The following KCNC4 variants were observed in gnomAD, a reference collection of about 807,000 sequenced individuals.
KCNC4 encodes the protein voltage-gated potassium channel KCNC4.
KCNC4 carries 23 observed loss-of-function variants against 42.8 expected under a neutral mutation model. The observed-to-expected ratio is 0.54, with a 90% confidence interval of 0.39 to 0.76. KCNC4 has a LOEUF of 0.76. KCNC4 is among the 30% of genes least tolerant of loss of function. The probability of loss-of-function intolerance (pLI) is 0.00; values close to 1 mark genes in which losing one functional copy is unlikely to be tolerated. For synonymous variants in KCNC4, 422 were observed against 393.5 expected (o/e 1.07, Z -0.86); for missense variants, 751 against 898.2 (o/e 0.84, Z 2.10).
intron 1 of KCNC4, among the ~76,000 whole-genome samples, chr1:110,217,601 G>C (rs975291053): frequency 6.6e-6 from 1 of 152,146 alleles, no homozygotes; most frequent in Non-Finnish European, 1.5e-5. Flanking sequence ...TCTGGGGTAG[G>C]GACTCATCCG....
rs1029005555 is a variant in KCNC4 at position 110,223,747 on chromosome 1, C to G, written c.1462C>G (p.Leu488Val). Residue 488 changes from leucine to valine, a missense_variant, in exon 2 of 4, where the codon CTG becomes GTG. By Grantham distance (32) the Leu-to-Val change is conservative. This residue lies in a region of KCNC4 where 185 missense variants were observed against 293.7 expected (regional missense o/e 0.63). Transcript: ENST00000438661. This position sits in a 1 kb window ranked among gnomAD's most constrained non-coding sequence, Gnocchi z 7.5. ...CTCCCTGGCCATGGCCAAGCAGAAG[C>G]TGCCCAAGAAACGGAAGAAGCACGT... The part of the protein sequence containing the change: ...YYSLAMAKQK[L>V]PKKRKKHVPR... The G allele has an allele frequency of 1.2e-5, 19 of 1,614,060 alleles. No individual in the cohort carries two copies. Among genetic ancestry groups the G allele is most frequent in the Non-Finnish European group, 1.6e-5 (19 of 1,180,042 alleles).
chr1:110,245,770 C>T (rs1277642971), exon 4 of KCNC4: 1 of 152,288 alleles, frequency 6.6e-6, no homozygotes, highest in African/African-American at 2.4e-5. Context: ...GAAGCTTGCT[C>T]AGTGCACGTA....
intron 3 of KCNC4, among the ~76,000 whole-genome samples, chr1:110,227,891 G>A (rs1658485668): frequency 6.6e-6 from 1 of 152,170 alleles, no homozygotes; most frequent in Admixed American, 6.5e-5. Context: ...GGGCAGGAGA[G>A]CCAGCATCTC....
At position 110,211,654 on chromosome 1, in the gene KCNC4, G is replaced by T; in HGVS notation, c.155G>T (p.Ser52Ile). ...GGCACGCGACATGAGACCTACCGCA[G>T]CACCCTGCGCACCCTACCGGGAACC... ...VGGTRHETYR[S>I]TLRTLPGTRL... The change falls in exon 1 of 4, where the codon AGC (serine) becomes ATC (isoleucine). Residue 52 changes from serine (S) to isoleucine (I), a missense_variant. Coordinates refer to ENST00000438661, the MANE Select transcript of KCNC4 (RefSeq NM_001039574.3). The surrounding 1 kb of genome is among the most constrained non-coding windows in gnomAD (Gnocchi z 6.5). The T allele has an allele frequency of 6.2e-7, 1 of 1,613,352 alleles. No individual in the cohort carries two copies. Among genetic ancestry groups the T allele is most frequent in the Non-Finnish European group, 8.5e-7 (1 of 1,179,814 alleles).
intron 1 of KCNC4, among the ~76,000 whole-genome samples, chr1:110,269,161 T>C (rs1418008861): frequency 1.3e-5 from 2 of 152,310 alleles, no homozygotes; most frequent in Admixed American, 1.3e-4. Flanking sequence ...TCCTGTAGCC[T>C]GGTATTTTGT....
chr1:110,277,651 C>T (rs1484207704), intron 1 of KCNC4, among the ~76,000 whole-genome samples: 2 of 152,190 alleles, frequency 1.3e-5, no homozygotes, highest in African/African-American at 2.4e-5. Flanking sequence ...CCAGGAAGGT[C>T]GGAGTGGGAA....
At chr1:110,254,532 T>A (rs974336471) in intron 1 of KCNC4, among the ~76,000 whole-genome samples, 12 of 152,184 alleles carry the variant, frequency 7.9e-5, no homozygotes, top group Admixed American at 7.9e-4. Flanking sequence ...TGGGGCTGAG[T>A]GTGTGACACC....
At chr1:110,222,300 A>G (rs6537654) in intron 1 of KCNC4, 3 of 152,322 alleles carry the variant, frequency 2.0e-5, no homozygotes, top group African/African-American at 7.2e-5. Flanking sequence ...CCTTGCAGCA[A>G]CCTGCCTCGG....
At chr1:110,247,555 CTTT>C (rs772775867) in exon 4 of KCNC4, 3 of 52,358 alleles carry the variant, frequency 5.7e-5, no homozygotes, top group Non-Finnish European at 8.3e-5. Context: ...TTTCTTTTTT[CTTT>C]TTTTTTTTTT....
intron 3 of KCNC4, among the ~76,000 whole-genome samples, chr1:110,230,965 G>A (rs920237738): frequency 6.6e-6 from 1 of 152,244 alleles, no homozygotes; most frequent in Non-Finnish European, 1.5e-5. Context: ...CACCATCTGA[G>A]AGTAGAGTTT....
intron 1 of KCNC4, among the ~76,000 whole-genome samples, chr1:110,214,439 C>T (rs1657669161): frequency 6.6e-6 from 1 of 152,154 alleles, no homozygotes; most frequent in Non-Finnish European, 1.5e-5. Flanking sequence ...TCACCTGCTC[C>T]CGGGACACAC....
chr1:110,214,440 C>T (rs904746151), intron 1 of KCNC4, among the ~76,000 whole-genome samples: 6 of 152,102 alleles, frequency 3.9e-5, no homozygotes, highest in African/African-American at 7.2e-5. Flanking sequence ...CACCTGCTCC[C>T]GGGACACACA....
At chr1:110,215,284 G>A (rs749231799) in intron 1 of KCNC4, among the ~76,000 whole-genome samples, 48 of 152,228 alleles carry the variant, frequency 3.2e-4, no homozygotes, top group Admixed American at 5.2e-4. Context: ...TGGGCCCATG[G>A]GCAGCTGCTG....
chr1:110,213,294 T>C (rs1657606619), intron 1 of KCNC4, among the ~76,000 whole-genome samples: 1 of 151,470 alleles, frequency 6.6e-6, no homozygotes, highest in South Asian at 2.1e-4. Context: ...CTGGAGTCTG[T>C]CTGGGAGACA....
chr1:110,211,159 A>G lies in KCNC4; in HGVS notation c.-341A>G, dbSNP rs1657420526. 6.6e-6 allele frequency among the ~76,000 whole-genome samples: 1 copy of G among 152,206 alleles called. No homozygotes were observed. Among genetic ancestry groups the G allele is most frequent in the Non-Finnish European group, 1.5e-5 (1 of 68,040 alleles). On this transcript the variant is annotated 5_prime_UTR_variant, in exon 1 of 4. Transcript: ENST00000438661. The surrounding 1 kb of genome is among the most constrained non-coding windows in gnomAD (Gnocchi z 6.5). ...CGCTTCCTCGTCTTTGGTCGGGGTG[A>G]AGGCGGGGGCGTGTCCCCGGCCCAG... is the stretch of plus-strand genomic sequence containing the variant.
chr1:110,235,942 C>T (rs1658895010), downstream of KCNC4: 2 of 152,322 alleles, frequency 1.3e-5, no homozygotes, highest in Middle Eastern at 3.4e-3. Flanking sequence ...CTGCCTGAGG[C>T]CGTGTCTCTC....
chr1:110,254,504 C>A (rs1288414515), intron 1 of KCNC4, among the ~76,000 whole-genome samples: 1 of 152,190 alleles, frequency 6.6e-6, no homozygotes, highest in African/African-American at 2.4e-5. Context: ...TGGAGGAGGC[C>A]AGGTTGGAGT....
In KCNC4 at chr1:110,222,991, A is replaced by G. The variant is rs1164788937; in HGVS notation, c.706A>G (p.Ile236Val). The G allele has an allele frequency of 3.1e-6, 5 of 1,613,472 alleles. No individual in the cohort carries two copies. The highest frequency in any genetic ancestry group is 4.2e-6 in the Non-Finnish European group (5 of 1,179,822). ...RVVAFASLFF[I>V]LVSITTFCLE... ...AGTGGCCTTTGCCTCTCTCTTCTTC[A>G]TCCTGGTCTCCATCACCACTTTCTG... Residue 236 changes from isoleucine (I) to valine (V), a missense_variant, in exon 2 of 4, where the codon ATC becomes GTC. By Grantham distance (29) the Ile-to-Val change is conservative. This residue lies in a region of KCNC4 where 181 missense variants were observed against 167.3 expected (regional missense o/e 1.08). Coordinates refer to ENST00000438661, the MANE Select transcript of KCNC4 (RefSeq NM_001039574.3).
At position 110,248,289 on chromosome 1, in the gene KCNC4, C is replaced by G. The variant is rs1271862643; in HGVS notation, c.*15980C>G. 2.6e-5 allele frequency: 4 copies of G among 152,098 alleles called. No homozygotes were observed. The East Asian group carries it at 7.7e-4, about 29-fold the overall frequency. 9.4% of individuals were successfully genotyped at this position (152,098 alleles called of 1,614,324 possible). A position where few individuals can be genotyped will look rare whatever the true frequency, so the allele number is the denominator to read the frequency against. ...TGTTTGTTTTTACTTTTTAATGTGG[C>G]TACTAGAAAAATTTAAATTATACCC... On this transcript the variant is annotated 3_prime_UTR_variant, in exon 4 of 4. Coordinates refer to the KCNC4 transcript ENST00000369787.
Sources: allele counts gnomAD v4.1 joint callset (sites outside exome capture counted in the v4.1 genomes callset), GRCh38; gene constraint gnomAD v4.1.1; regional missense constraint gnomAD v4.1.1; non-coding constraint Gnocchi (gnomAD v3.1); transcripts MANE v1.5; gene names NCBI Gene and HGNC (gene_info 2026-07-23, HGNC 2026-07-21).